The following RERE variants were observed in gnomAD, a reference collection of about 807,000 sequenced individuals.
The protein encoded by RERE is arginine-glutamic acid dipeptide repeats.
RERE carries 40 observed loss-of-function variants against 146.1 expected under a neutral mutation model. That is an observed-to-expected ratio of 0.27 (90% CI 0.21 to 0.36). RERE has a LOEUF of 0.36. Ranked by LOEUF, RERE falls within the 10% of genes least tolerant of loss-of-function variation. The pLI, the probability that RERE is intolerant of heterozygous loss-of-function variation, is 1.00. For missense variants in RERE, 1,933 were observed against 2,138.7 expected, an observed-to-expected ratio of 0.90 and a Z score of 1.90; for synonymous variants, 1,003 against 866.0, an observed-to-expected ratio of 1.16 and a Z score of -2.78.
At chr1:8,805,007 G>GTTTTTTTTTTTTTTTTTT (rs1557553356) in intron 1 of RERE, among the ~76,000 whole-genome samples, 6 of 61,364 alleles carry the variant, frequency 9.8e-5, no homozygotes, top group Admixed American at 2.1e-4. Flanking sequence ...TTTTGTTTTT[G>GTTTTTTTTTTTTTTTTTT]GTTTTTTTTT....
chr1:8,751,158 G>T, intron 1 of RERE: 1 of 297,422 alleles, frequency 3.4e-6, no homozygotes, highest in Admixed American at 4.5e-5. Flanking sequence ...TCCCAAAACA[G>T]GTAGTGTTCT....
chr1:8,673,069 T>C (rs11121215), intron 1 of RERE, among the ~76,000 whole-genome samples: 96,920 of 152,026 alleles, frequency 0.64, 31,411 homozygotes, highest in East Asian at 0.83. Context: ...ATAAAATAAC[T>C]TTTATCATTT....
At chr1:8,416,386 CCATCCTGGTTA>C (rs1643763513) in intron 12 of RERE, among the ~76,000 whole-genome samples, 1 of 152,024 alleles carries the variant, frequency 6.6e-6, no homozygotes, top group Non-Finnish European at 1.5e-5. Flanking sequence ...GAGATCGAGA[CCATCCTGGTTA>C]ACATGGTGAA....
chr1:8,590,296 T>A (rs1319052003), intron 4 of RERE, among the ~76,000 whole-genome samples: 1 of 151,942 alleles, frequency 6.6e-6, no homozygotes, highest in Admixed American at 6.6e-5. Context: ...TAGGTGCCAT[T>A]CGAACACCTG....
intron 1 of RERE, among the ~76,000 whole-genome samples, chr1:8,767,893 G>A (rs1476100698): frequency 6.6e-6 from 1 of 152,068 alleles, no homozygotes; most frequent in Admixed American, 6.5e-5. Context: ...TTGAACCTAG[G>A]AGGCGGAGGT....
chr1:8,556,352 A>G (rs1168467544), intron 6 of RERE, 123 bp downstream of exon 6: 5 of 619,268 alleles, frequency 8.1e-6, no homozygotes, highest in Admixed American at 4.6e-5. Context: ...TGGCATGTTC[A>G]CTGAGGCCAA....
intron 1 of RERE, among the ~76,000 whole-genome samples, chr1:8,788,775 A>T (rs1225266899): frequency 1.3e-5 from 2 of 151,618 alleles, no homozygotes; most frequent in Non-Finnish European, 2.9e-5. Flanking sequence ...ACCAGCCCTG[A>T]CAGATGAGGA....
At chr1:8,464,153 T>C (rs921128888) in intron 11 of RERE, among the ~76,000 whole-genome samples, 3 of 152,198 alleles carry the variant, frequency 2.0e-5, no homozygotes, top group Non-Finnish European at 4.4e-5. Flanking sequence ...TTTTTATGGT[T>C]TTGTTTGTTT....
chr1:8,554,727 C>T (rs1022706815), intron 6 of RERE, among the ~76,000 whole-genome samples: 11 of 149,476 alleles, frequency 7.4e-5, no homozygotes, highest in Admixed American at 2.0e-4. Flanking sequence ...ATTAAGTCAT[C>T]GGTCCCAGCT....
chr1:8,788,169 CA>C (rs1482991356), intron 1 of RERE, among the ~76,000 whole-genome samples: 1 of 149,846 alleles, frequency 6.7e-6, no homozygotes, highest in African/African-American at 2.5e-5. Context: ...AGATAGAGTA[CA>C]AAAAAGAAAA....
chr1:8,735,521 C>T (rs544219432), intron 1 of RERE, among the ~76,000 whole-genome samples: 3 of 152,258 alleles, frequency 2.0e-5, no homozygotes, highest in African/African-American at 7.2e-5. Context: ...CGTGTCAGTC[C>T]ATACAAAGTG....
In RERE at chr1:8,520,457, C is replaced by T. The variant is rs538848789; in HGVS notation, c.831-11782G>A. Among the ~76,000 whole-genome samples the T allele has an allele frequency of 2.0e-4, 31 of 152,178 alleles. No individual in the cohort carries two copies. In the South Asian group the frequency reaches 6.4e-3, roughly 32 times the overall value. On this transcript the variant is annotated intron_variant, in intron 7 of 22. Coordinates refer to ENST00000400908, the MANE Select transcript of RERE (RefSeq NM_001042681.2). ...GGTAAGATGCAGTAAATATGGCCTC[C>T]ACACACAATAATGTATGAGTAATGT...
chr1:8,724,893 A>C (rs761143979), intron 1 of RERE, among the ~76,000 whole-genome samples: 29 of 149,884 alleles, frequency 1.9e-4, no homozygotes, highest in African/African-American at 6.7e-4. Context: ...AAAAAAAACA[A>C]CTCAACCTTC....
intron 4 of RERE, among the ~76,000 whole-genome samples, chr1:8,579,247 C>T (rs925536583): frequency 2.9e-5 from 4 of 136,736 alleles, no homozygotes; most frequent in Admixed American, 2.1e-4. Context: ...ATCAAGAAAA[C>T]GTTCCTAATC....
At chr1:8,550,081 A>T (rs753278844) in intron 6 of RERE, among the ~76,000 whole-genome samples, 5 of 152,226 alleles carry the variant, frequency 3.3e-5, no homozygotes, top group Non-Finnish European at 7.3e-5. Context: ...CCTGGTTCTG[A>T]TAACTGTACT....
chr1:8,416,502 C>T (rs960503902), intron 12 of RERE, among the ~76,000 whole-genome samples: 23 of 148,900 alleles, frequency 1.5e-4, no homozygotes, highest in South Asian at 2.1e-4. Flanking sequence ...AGGAGAATGG[C>T]GTGAACCTGG....
At chr1:8,490,652 C>T (rs973565307) in intron 10 of RERE, among the ~76,000 whole-genome samples, 3 of 150,496 alleles carry the variant, frequency 2.0e-5, no homozygotes, top group Non-Finnish European at 4.4e-5. Context: ...ACACAACTGG[C>T]TCTCAAAATC....
chr1:8,380,485 A>C (rs759812153), intron 12 of RERE, among the ~76,000 whole-genome samples: 10 of 152,110 alleles, frequency 6.6e-5, no homozygotes, highest in Non-Finnish European at 1.5e-4. Flanking sequence ...AGCAGCTGGA[A>C]CTATAGGCAC....
In RERE at chr1:8,469,874, C is replaced by T. The variant is rs545473019; in HGVS notation, c.1105-3851G>A. Among the ~76,000 whole-genome samples the T allele has an allele frequency of 3.3e-5, 5 of 152,266 alleles. No individual in the cohort carries two copies. The East Asian group carries it at 9.7e-4, about 29-fold the overall frequency. On this transcript the variant is annotated intron_variant, in intron 10 of 22. Transcript: ENST00000400908. ...TTGTTCCGTTTGTTAGAGAGCATGG[C>T]TGCAGCCTGCACAATGCCCCTCAGC...
Sources: gnomAD v4.1 joint callset for allele counts (sites outside exome capture counted in the v4.1 genomes callset) on GRCh38, gnomAD v4.1.1 for gene constraint, MANE v1.5 for transcripts, NCBI Gene and HGNC (gene_info 2026-07-23, HGNC 2026-07-21) for gene names.